ERBB4: variants seen among roughly 807,000 people sequenced by gnomAD.
ERBB4 encodes the protein erb-b2 receptor tyrosine kinase 4, also known as receptor tyrosine-protein kinase erbB-4.
A neutral mutation model predicts 158.0 loss-of-function variants in ERBB4; 42 were observed. The ratio of observed to expected loss-of-function variants is 0.27; its 90% CI spans 0.21 to 0.34. The LOEUF (loss-of-function observed/expected upper bound fraction) is 0.34. Ranked by LOEUF, ERBB4 falls within the 10% of genes least tolerant of loss-of-function variation. The pLI is 1.00. For synonymous variants in ERBB4, 583 were observed against 558.7 expected, an observed-to-expected ratio of 1.04 and a Z score of -0.61; for missense variants, 1,333 against 1,624.1, an observed-to-expected ratio of 0.82 and a Z score of 3.08.
At chr2:212,511,878 C>A (rs568742564) in intron 1 of ERBB4, among the ~76,000 whole-genome samples, 2 of 151,816 alleles carry the variant, frequency 1.3e-5, no homozygotes, top group Middle Eastern at 3.2e-3. Context: ...GGATGGCATT[C>A]GTGTCACCAT....
chr2:211,940,735 A>T (rs1394275055), intron 3 of ERBB4, among the ~76,000 whole-genome samples: 1 of 152,062 alleles, frequency 6.6e-6, no homozygotes, highest in Non-Finnish European at 1.5e-5. Context: ...AGGAGAAAGG[A>T]TGATTCTATT....
chr2:212,295,508 T>C (rs1186325178), intron 1 of ERBB4, among the ~76,000 whole-genome samples: 1 of 152,064 alleles, frequency 6.6e-6, no homozygotes, highest in African/African-American at 2.4e-5. Flanking sequence ...ACTTACTCTT[T>C]CATACACATA....
chr2:212,313,644 C>A (rs1034488293), intron 1 of ERBB4, among the ~76,000 whole-genome samples: 1 of 150,860 alleles, frequency 6.6e-6, no homozygotes, highest in Non-Finnish European at 1.5e-5. Flanking sequence ...AATTAACATG[C>A]CATTTTATGA....
At chr2:211,665,195 C>A (rs2071580447) in intron 15 of ERBB4, 128 bp downstream of exon 15, 2 of 950,128 alleles carry the variant, frequency 2.1e-6, no homozygotes, top group African/African-American at 1.6e-5. Context: ...CTCTTAAAAT[C>A]AGCATTTTAA....
chr2:212,210,582 AG>A (rs1559753163), intron 1 of ERBB4, among the ~76,000 whole-genome samples: 1 of 152,166 alleles, frequency 6.6e-6, no homozygotes, highest in Non-Finnish European at 1.5e-5. Flanking sequence ...TTGAATGGAT[AG>A]GGACAGACAG....
At chr2:212,103,478 A>T (rs2079140435) in intron 2 of ERBB4, among the ~76,000 whole-genome samples, 1 of 152,100 alleles carries the variant, frequency 6.6e-6, no homozygotes. Context: ...AAAAGTATTA[A>T]TTTGATATTT....
At chr2:211,996,995 A>G (rs1464246743) in intron 2 of ERBB4, among the ~76,000 whole-genome samples, 1 of 152,182 alleles carries the variant, frequency 6.6e-6, no homozygotes, top group Non-Finnish European at 1.5e-5. Flanking sequence ...GGTTTGTGAT[A>G]CCTCTCTGGA....
intron 2 of ERBB4, among the ~76,000 whole-genome samples, chr2:212,038,070 T>G (rs2077055716): frequency 6.6e-6 from 1 of 152,154 alleles, no homozygotes; most frequent in Non-Finnish European, 1.5e-5. Flanking sequence ...GGTGATGAAA[T>G]ATATTATTAT....
intron 21 of ERBB4, among the ~76,000 whole-genome samples, chr2:211,428,898 T>A (rs928160968): frequency 2.0e-4 from 31 of 151,794 alleles, no homozygotes; most frequent in African/African-American, 7.5e-4. Context: ...TGCATTTTTT[T>A]AGAGATGATC....
intron 12 of ERBB4, among the ~76,000 whole-genome samples, chr2:211,692,460 T>A (rs1574995816): frequency 2.0e-5 from 3 of 152,098 alleles, no homozygotes; most frequent in Admixed American, 2.0e-4. Context: ...CTACATTTAG[T>A]CTCTCATAGT....
intron 1 of ERBB4, among the ~76,000 whole-genome samples, chr2:212,466,741 T>C (rs1012864255): frequency 1.2e-4 from 19 of 152,216 alleles, no homozygotes; most frequent in African/African-American, 4.3e-4. Flanking sequence ...AGTGGGGCAC[T>C]GCAGAAAAGA....
intron 2 of ERBB4, among the ~76,000 whole-genome samples, chr2:212,006,008 A>AAAG (rs5838293): frequency 0.9 from 137,152 of 151,924 alleles, 63,360 homozygotes; most frequent in East Asian, 1. Context: ...CTGCCACTGA[A>AAAG]AAGGAGAAAA....
intron 16 of ERBB4, among the ~76,000 whole-genome samples, chr2:211,639,386 A>C (rs1035012004): frequency 6.6e-6 from 1 of 152,206 alleles, no homozygotes; most frequent in Non-Finnish European, 1.5e-5. Flanking sequence ...CTTCAGTTAC[A>C]TTAGGTACCA....
intron 16 of ERBB4, among the ~76,000 whole-genome samples, chr2:211,631,854 T>C (rs905416309): frequency 1.3e-5 from 2 of 152,104 alleles, no homozygotes; most frequent in African/African-American, 2.4e-5. Flanking sequence ...TTATATCTTA[T>C]ATTTATATTT....
chr2:212,177,264 T>A (rs2081698044), intron 1 of ERBB4, among the ~76,000 whole-genome samples: 1 of 151,896 alleles, frequency 6.6e-6, no homozygotes, highest in Non-Finnish European at 1.5e-5. Flanking sequence ...TATGGTGTTC[T>A]CATTTTTTAA....
intron 17 of ERBB4, 81 bp downstream of exon 17, chr2:211,630,380 AT>A (rs2070059627): frequency 6.5e-7 from 1 of 1,527,060 alleles, no homozygotes; most frequent in Non-Finnish European, 9.0e-7. Context: ...TTTTACTTGG[AT>A]TAAATAATTG....
At chr2:212,404,620 G>T (rs1198613811) in intron 1 of ERBB4, among the ~76,000 whole-genome samples, 1 of 151,994 alleles carries the variant, frequency 6.6e-6, no homozygotes, top group African/African-American at 2.4e-5. Flanking sequence ...GCAAACAGCT[G>T]GAAAGTGTGC....
chr2:212,117,610 T>C (rs926721353), intron 2 of ERBB4, among the ~76,000 whole-genome samples: 1 of 152,226 alleles, frequency 6.6e-6, no homozygotes, highest in African/African-American at 2.4e-5. Context: ...TTCAGGCTTG[T>C]ATAGTAGGAA....
chr2:211,657,975 C>G, intron 15 of ERBB4, 147 bp from the exon 16 acceptor site: 1 of 1,602,810 alleles, frequency 6.2e-7, no homozygotes. Flanking sequence ...ATGCAGTCTT[C>G]AATACTTGAG....
Sources: allele counts gnomAD v4.1 joint callset (sites outside exome capture counted in the v4.1 genomes callset), GRCh38; gene constraint gnomAD v4.1.1; transcripts MANE v1.5; gene names NCBI Gene and HGNC (gene_info 2026-07-23, HGNC 2026-07-21).